The following DOCK1 variants were observed in gnomAD, a reference collection of about 807,000 sequenced individuals.
DOCK1 encodes the protein dedicator of cytokinesis 1.
In DOCK1, 138 loss-of-function variants were observed where a neutral mutation model predicts 262.7. The ratio of observed to expected loss-of-function variants is 0.53; its 90% CI spans 0.46 to 0.61. The LOEUF is 0.61. Ranked by LOEUF, DOCK1 falls within the 20% of genes least tolerant of loss-of-function variation. The probability of loss-of-function intolerance (pLI) is 0.00; values close to 1 mark genes in which losing one functional copy is unlikely to be tolerated. For missense variants in DOCK1, 1,908 were observed against 2,370.7 expected (o/e 0.80, Z 4.05); for synonymous variants, 866 against 867.4 (o/e 1.00, Z 0.03).
chr10:127,370,561 C>T lies in DOCK1; in HGVS notation c.3433-3220C>T, dbSNP rs143040898. 3.4e-3 allele frequency among the ~76,000 whole-genome samples: 524 copies of T among 152,260 alleles called. 3 individuals carry two copies. Among genetic ancestry groups the T allele is most frequent in the Middle Eastern group, 0.01 (3 of 294 alleles). On this transcript the variant is annotated intron_variant, in intron 33 of 51. Transcript: ENST00000623213. ...AATCTCACCCAAAACAAAAATTATG[C>T]GTTCCAAACCAAATATAATTGGCTT...
chr10:127,156,972 G>A (rs1215671132), intron 27 of DOCK1, among the ~76,000 whole-genome samples: 1 of 152,184 alleles, frequency 6.6e-6, no homozygotes, highest in East Asian at 1.9e-4. Flanking sequence ...TAGTTATTAA[G>A]TACATACTAA....
At chr10:127,202,215 C>T (rs1047745924) in intron 27 of DOCK1, among the ~76,000 whole-genome samples, 3 of 151,808 alleles carry the variant, frequency 2.0e-5, no homozygotes, top group Non-Finnish European at 2.9e-5. Flanking sequence ...CCCAGCTAGT[C>T]GGTAAGCTGA....
At chr10:127,444,344 T>C in intron 50 of DOCK1, 65 bp downstream of exon 50, 1 of 1,512,588 alleles carries the variant, frequency 6.6e-7, no homozygotes, top group Non-Finnish European at 8.8e-7. Flanking sequence ...CACTGAAGGC[T>C]CTGAGGTTAG....
intron 48 of DOCK1, among the ~76,000 whole-genome samples, chr10:127,435,383 C>G (rs565282397): frequency 2.8e-4 from 42 of 152,272 alleles, no homozygotes; most frequent in African/African-American, 9.1e-4. Context: ...ACTCGGATTG[C>G]CCTTTGTTGC....
chr10:127,100,544 G>C lies in DOCK1; in HGVS notation c.2446-5687G>C, dbSNP rs2048180577. On this transcript the variant is annotated intron_variant, in intron 23 of 51. Transcript: ENST00000623213. This position sits in a 1 kb window ranked among gnomAD's most constrained non-coding sequence, Gnocchi z 5.5. The stretch of plus-strand genomic sequence containing the variant: ...GTGTGGGTGTTGGGCTCAGGAGGAA[G>C]GGGAGCCCTGGAGATGGATCAGAAT... Among the ~76,000 whole-genome samples, 1 of 152,130 alleles carries C rather than the reference G, an allele frequency of 6.6e-6. No individual in the cohort carries two copies. Among genetic ancestry groups the C allele is most frequent in the Non-Finnish European group, 1.5e-5 (1 of 68,024 alleles).
intron 10 of DOCK1, among the ~76,000 whole-genome samples, chr10:127,003,490 G>A (rs1480469466): frequency 1.3e-5 from 2 of 152,192 alleles, no homozygotes; most frequent in African/African-American, 2.4e-5. Flanking sequence ...TGTCCCTTCT[G>A]GTGTCACAGT....
At chr10:127,258,256 T>A (rs1213547096) in intron 29 of DOCK1, among the ~76,000 whole-genome samples, 1 of 152,118 alleles carries the variant, frequency 6.6e-6, no homozygotes, top group Non-Finnish European at 1.5e-5. Context: ...ACCACAAATG[T>A]TCCTCTTGTT....
chr10:127,400,868 T>C (rs2067183859), intron 38 of DOCK1, among the ~76,000 whole-genome samples: 1 of 152,160 alleles, frequency 6.6e-6, no homozygotes, highest in Non-Finnish European at 1.5e-5. Flanking sequence ...AAGGTTTAAA[T>C]GATAATAGGC....
chr10:127,323,659 T>G (rs1335151201), intron 29 of DOCK1, among the ~76,000 whole-genome samples: 1 of 152,150 alleles, frequency 6.6e-6, no homozygotes, highest in Non-Finnish European at 1.5e-5. Flanking sequence ...CATGCCTGCT[T>G]CTTTGAGTTC....
At chr10:127,347,974 C>G (rs1450416012) in intron 31 of DOCK1, among the ~76,000 whole-genome samples, 1 of 147,528 alleles carries the variant, frequency 6.8e-6, no homozygotes, top group Non-Finnish European at 1.5e-5. Flanking sequence ...GAAATTCCAG[C>G]ATCAGGAAAC....
chr10:127,108,779 A>G (rs1253776658), intron 24 of DOCK1, among the ~76,000 whole-genome samples: 1 of 152,212 alleles, frequency 6.6e-6, no homozygotes, highest in Non-Finnish European at 1.5e-5. Flanking sequence ...ACCATGTAAA[A>G]TAGGTTTTGC....
intron 27 of DOCK1, chr10:127,138,034 A>C (rs996734401): frequency 3.1e-6 from 5 of 1,596,124 alleles, no homozygotes; most frequent in Non-Finnish European, 4.3e-6. Flanking sequence ...GAAAAGAGAG[A>C]GAGTGAAGAC....
At chr10:127,330,584 A>G (rs991013488) in intron 29 of DOCK1, among the ~76,000 whole-genome samples, 3 of 152,218 alleles carry the variant, frequency 2.0e-5, no homozygotes, top group Non-Finnish European at 4.4e-5. Context: ...ACTTCTGGGT[A>G]TCATCAACTG....
At chr10:126,959,798 A>C (rs1178825475) in intron 1 of DOCK1, among the ~76,000 whole-genome samples, 3 of 151,318 alleles carry the variant, frequency 2.0e-5, no homozygotes, top group African/African-American at 7.3e-5. Context: ...GCTAGTCAAG[A>C]TCCTGGTCTG....
intron 28 of DOCK1, among the ~76,000 whole-genome samples, chr10:127,256,424 C>T (rs927294416): frequency 6.6e-6 from 1 of 152,074 alleles, no homozygotes; most frequent in Non-Finnish European, 1.5e-5. Flanking sequence ...ATTTGGCAAT[C>T]CCTGACCATG....
chr10:127,037,929 C>A, intron 19 of DOCK1, 113 bp downstream of exon 19: 3 of 867,542 alleles, frequency 3.5e-6, no homozygotes, highest in Non-Finnish European at 5.1e-6. Context: ...GGTTATACTC[C>A]CTTTAAAAAA....
At chr10:126,986,627 G>A (rs1432322891) in intron 4 of DOCK1, among the ~76,000 whole-genome samples, 1 of 152,176 alleles carries the variant, frequency 6.6e-6, no homozygotes, top group Non-Finnish European at 1.5e-5. Context: ...ATAAGTCAAG[G>A]GGCTGGGCGC....
rs576201052 is a variant in DOCK1, at chr10:127,012,341, A to G, written c.1168A>G (p.Ile390Val). Residue 390 changes from isoleucine (I) to valine (V), a missense_variant, in exon 12 of 52, where the codon ATC becomes GTC. By Grantham distance (29) the Ile-to-Val change is conservative. This residue lies in a region of DOCK1 where 294 missense variants were observed against 439.9 expected (regional missense o/e 0.67). Transcript: ENST00000623213. This position sits in a 1 kb window ranked among gnomAD's most constrained non-coding sequence, Gnocchi z 4.0. ...DFLQTVINKV[I>V]AAKEVNHKGQ... ...CCTTCAGACTGTTATAAACAAAGTC[A>G]TCGCTGCCAAAGAAGTCAACCACAA... 3 of 1,614,032 alleles carry G rather than the reference A, an allele frequency of 1.9e-6. No individual in the cohort carries two copies. The highest frequency in any genetic ancestry group is 1.1e-5 in the South Asian group (1 of 91,088).
chr10:127,403,310 G>C (rs748320214), intron 39 of DOCK1, among the ~76,000 whole-genome samples, 166 bp downstream of exon 39: 11 of 152,156 alleles, frequency 7.2e-5, no homozygotes, highest in Non-Finnish European at 1.3e-4. Context: ...TTTGCTGGTT[G>C]ATATTTGGCC....
Sources: allele counts gnomAD v4.1 joint callset (sites outside exome capture counted in the v4.1 genomes callset), GRCh38; gene constraint gnomAD v4.1.1; regional missense constraint gnomAD v4.1.1; non-coding constraint Gnocchi (gnomAD v3.1); transcripts MANE v1.5; gene names NCBI Gene and HGNC (gene_info 2026-07-23, HGNC 2026-07-21).